FLRT2: variants seen among roughly 807,000 people sequenced by gnomAD.
The protein encoded by FLRT2 is fibronectin leucine rich transmembrane protein 2, also known as leucine-rich repeat transmembrane protein FLRT2.
In FLRT2, 15 loss-of-function variants were observed where a neutral mutation model predicts 40.0. The observed-to-expected ratio is 0.38, with a 90% CI of 0.25 to 0.58. The LOEUF is 0.58. Among genes scored for constraint, FLRT2 ranks in the 20% least tolerant of loss-of-function variants. FLRT2 has a pLI of 0.71. For synonymous variants in FLRT2, 380 were observed against 336.8 expected, an observed-to-expected ratio of 1.13 and a Z score of -1.41; for missense variants, 726 against 840.0, an observed-to-expected ratio of 0.86 and a Z score of 1.68.
At chr14:85,583,631 G>T (rs898733146) in intron 1 of FLRT2, among the ~76,000 whole-genome samples, 2 of 152,140 alleles carry the variant, frequency 1.3e-5, no homozygotes, top group African/African-American at 4.8e-5. Flanking sequence ...CAGAGCTCCT[G>T]GTCCGCTTAA....
chr14:85,602,284 G>A (rs528854621), intron 1 of FLRT2, among the ~76,000 whole-genome samples: 128 of 152,186 alleles, frequency 8.4e-4, no homozygotes, highest in Non-Finnish European at 1.5e-3. Flanking sequence ...TTCAAATTCA[G>A]TTTCTCAAAG....
At chr14:85,535,458 A>T (rs1333991496) in intron 1 of FLRT2, among the ~76,000 whole-genome samples, 1 of 151,858 alleles carries the variant, frequency 6.6e-6, no homozygotes, top group Non-Finnish European at 1.5e-5. Context: ...TTAGGTCCGT[A>T]TTTGAAGTGT....
intron 1 of FLRT2, among the ~76,000 whole-genome samples, chr14:85,558,598 T>C (rs907518742): frequency 5.9e-5 from 9 of 152,192 alleles, no homozygotes; most frequent in African/African-American, 1.9e-4. Flanking sequence ...TCAATCATTT[T>C]TTTGTTTGAA....
intron 1 of FLRT2, among the ~76,000 whole-genome samples, chr14:85,616,413 T>A (rs777788567): frequency 1.3e-5 from 2 of 152,202 alleles, no homozygotes; most frequent in African/African-American, 2.4e-5. Flanking sequence ...ATAGGTGACA[T>A]GCCCAATGAT....
At position 85,630,067 on chromosome 14, in the gene FLRT2, G is replaced by A. The variant is rs1049407055; in HGVS notation, c.*6570G>A. ...TTTGTAGATTCCGCTGAAAAAGCAC[G>A]TATGTCACAATCTATTAGGGCATTA... On this transcript the variant is annotated 3_prime_UTR_variant, in exon 2 of 2. Coordinates refer to ENST00000330753, the MANE Select transcript of FLRT2 (RefSeq NM_013231.6). 10 of 152,210 alleles carry A rather than the reference G, an allele frequency of 6.6e-5. No individual in the cohort carries two copies. Among genetic ancestry groups the A allele is most frequent in the Middle Eastern group, 3.4e-3 (1 of 294 alleles). 9.4% of individuals were successfully genotyped at this position (152,210 alleles called of 1,614,324 possible).
At chr14:85,615,073 G>C (rs1893062725) in intron 1 of FLRT2, among the ~76,000 whole-genome samples, 2 of 152,282 alleles carry the variant, frequency 1.3e-5, no homozygotes, top group East Asian at 1.9e-4. Context: ...ATAGCTTTCA[G>C]AGCATCAAGA....
In FLRT2 at chr14:85,635,820, G is replaced by A. The variant is rs1893985795; in HGVS notation, c.*12323G>A. 6.6e-6 allele frequency: 1 copy of A among 152,026 alleles called. No individual in the cohort carries two copies. 9.4% of individuals were successfully genotyped at this position (152,026 alleles called of 1,614,324 possible). On this transcript the variant is annotated 3_prime_UTR_variant, in exon 2 of 2. Coordinates refer to ENST00000330753, the MANE Select transcript of FLRT2 (RefSeq NM_013231.6). ...ACTACTTAGCAGCTAACAATGAAAT[G>A]TTCATTTCAAAATGTTTAGTCTTTA... is the stretch of plus-strand genomic sequence containing the variant.
chr14:85,565,960 A>T (rs537129852), intron 1 of FLRT2, among the ~76,000 whole-genome samples: 1 of 152,184 alleles, frequency 6.6e-6, no homozygotes, highest in African/African-American at 2.4e-5. Flanking sequence ...GAAAGGATGA[A>T]TAAGCAAAAT....
At chr14:85,530,849 CT>C (rs1222819892) in intron 1 of FLRT2, among the ~76,000 whole-genome samples, 1 of 152,076 alleles carries the variant, frequency 6.6e-6, no homozygotes, top group African/African-American at 2.4e-5. Context: ...CTCAGTGCCC[CT>C]AACCTTGTCA....
In FLRT2 at chr14:85,636,412, A is replaced by AC. The variant is rs1894005328; in HGVS notation, c.*12915_*12916insC. The stretch of plus-strand genomic sequence containing the variant: ...GCAGAAAAAAAAAAAAAAAAAACAA[A>AC]AAACATTCTTATTAATCTTAACTAA... On this transcript the variant is annotated 3_prime_UTR_variant, in exon 2 of 2. Coordinates refer to ENST00000330753, the MANE Select transcript of FLRT2 (RefSeq NM_013231.6). 6.9e-6 allele frequency: 1 copy of AC among 144,158 alleles called. No homozygotes were observed. The highest frequency in any genetic ancestry group is 7.1e-5 in the Admixed American group (1 of 14,014). 8.9% of individuals were successfully genotyped at this position (144,158 alleles called of 1,614,324 possible).
chr14:85,608,900 T>C (rs1316465629), intron 1 of FLRT2, among the ~76,000 whole-genome samples: 4 of 152,130 alleles, frequency 2.6e-5, no homozygotes, highest in Non-Finnish European at 5.9e-5. Flanking sequence ...CATTAGCAAG[T>C]TGTTTAAAAA....
At chr14:85,532,581 C>T (rs1256638133) in intron 1 of FLRT2, among the ~76,000 whole-genome samples, 2 of 152,158 alleles carry the variant, frequency 1.3e-5, no homozygotes, top group Admixed American at 1.3e-4. Flanking sequence ...TCTTTGTCCG[C>T]TGCAATCTAT....
intron 1 of FLRT2, among the ~76,000 whole-genome samples, chr14:85,538,502 G>C (rs1888802245): frequency 6.6e-6 from 1 of 151,194 alleles, no homozygotes; most frequent in African/African-American, 2.4e-5. Flanking sequence ...GAATGTGCAA[G>C]AAACTTGGAA....
Position 85,626,455 on chromosome 14 carries a change from T to C in FLRT2, c.*2958T>C, listed in dbSNP as rs1263789159. ...CAAATGAGGTGACTCAGATAGAATC[T>C]GATCCCATTCAGAGCTTGGTAAATG... On this transcript the variant is annotated 3_prime_UTR_variant, in exon 2 of 2. Transcript: ENST00000330753. The C allele has an allele frequency of 6.0e-6, 1 of 167,120 alleles. No homozygotes were observed. The highest frequency in any genetic ancestry group is 1.5e-5 in the Non-Finnish European group (1 of 68,136). 10.4% of individuals were successfully genotyped at this position (167,120 alleles called of 1,614,324 possible).
intron 1 of FLRT2, among the ~76,000 whole-genome samples, chr14:85,613,912 A>G (rs1893008355): frequency 6.6e-6 from 1 of 152,224 alleles, no homozygotes; most frequent in African/African-American, 2.4e-5. Flanking sequence ...ACTATGATCA[A>G]TGAATGAACA....
chr14:85,614,805 A>T (rs1893053265), intron 1 of FLRT2, among the ~76,000 whole-genome samples: 1 of 152,110 alleles, frequency 6.6e-6, no homozygotes, highest in Non-Finnish European at 1.5e-5. Context: ...CTGTCTAAAA[A>T]ATCAGTTATT....
In FLRT2 at chr14:85,646,007, T is replaced by C. The variant is rs1292554215; in HGVS notation, c.*22510T>C. 6.6e-6 allele frequency: 1 copy of C among 150,744 alleles called. No homozygotes were observed. Among genetic ancestry groups the C allele is most frequent in the African/African-American group, 2.5e-5 (1 of 40,536 alleles). The allele number at this position is 150,744 out of a possible 1,614,324, so 9.3% of individuals were successfully genotyped here. A position where few individuals can be genotyped will look rare whatever the true frequency, so the allele number is the denominator to read the frequency against. ...TTGAAATAGACAATTACTCTGTATATAGATTTGCCTGCCTTGTAACCATGC... is the reference window on the plus strand; with the variant it reads ...TTGAAATAGACAATTACTCTGTATACAGATTTGCCTGCCTTGTAACCATGC... On this transcript the variant is annotated 3_prime_UTR_variant, in exon 2 of 2. Coordinates refer to ENST00000330753, the MANE Select transcript of FLRT2 (RefSeq NM_013231.6).
chr14:85,536,844 A>G (rs1888692426), intron 1 of FLRT2, among the ~76,000 whole-genome samples: 1 of 152,220 alleles, frequency 6.6e-6, no homozygotes, highest in Admixed American at 6.5e-5. Flanking sequence ...GTTATTCCAT[A>G]TAGCATTGAC....
In FLRT2 at chr14:85,640,497, A is replaced by G. The variant is rs1370939476; in HGVS notation, c.*17000A>G. 6.6e-6 allele frequency: 1 copy of G among 152,214 alleles called. No homozygotes were observed. The highest frequency in any genetic ancestry group is 6.5e-5 in the Admixed American group (1 of 15,272). 9.4% of individuals were successfully genotyped at this position (152,214 alleles called of 1,614,324 possible). On this transcript the variant is annotated 3_prime_UTR_variant, in exon 2 of 2. Transcript: ENST00000330753. ...TAATTGTTTAATTCATAGGAAAGCC[A>G]CTGGGAGCCTTCTGGGAGCCAGAAG...
Sources: allele counts gnomAD v4.1 joint callset (sites outside exome capture counted in the v4.1 genomes callset), GRCh38; gene constraint gnomAD v4.1.1; transcripts MANE v1.5; gene names NCBI Gene and HGNC (gene_info 2026-07-23, HGNC 2026-07-21).